The following DNAH5 variants were observed in gnomAD, a reference collection of about 807,000 sequenced individuals.
The protein encoded by DNAH5 is axonemal beta dynein heavy chain 5.
Under a neutral mutation model 518.2 loss-of-function variants are expected in DNAH5, and 372 were observed. That is an observed-to-expected ratio of 0.72 (90% CI 0.66 to 0.78). The LOEUF is 0.78. Among genes scored for constraint, DNAH5 ranks in the 30% least tolerant of loss-of-function variants. DNAH5 has a pLI of 0.00. For missense variants in DNAH5, 5,523 were observed against 5,687.0 expected (o/e 0.97, Z 0.93); for synonymous variants, 2,039 against 2,025.9 (o/e 1.01, Z -0.17).
chr5:13,933,407 A>G (rs1380138883), intron 1 of DNAH5, among the ~76,000 whole-genome samples: 5 of 152,220 alleles, frequency 3.3e-5, no homozygotes, highest in Admixed American at 6.5e-5. Flanking sequence ...TCTAACAAAC[A>G]TATTGAAATG....
intron 65 of DNAH5, among the ~76,000 whole-genome samples, chr5:13,740,413 A>G (rs1027428690): frequency 1.3e-5 from 2 of 152,178 alleles, no homozygotes; most frequent in Middle Eastern, 3.2e-3. Context: ...ACCAAGGCCT[A>G]TAAGGCTCTA....
chr5:14,010,476 T>C (rs1785035603), intron 1 of DNAH5, among the ~76,000 whole-genome samples: 2 of 152,162 alleles, frequency 1.3e-5, no homozygotes, highest in Non-Finnish European at 2.9e-5. Flanking sequence ...TATATGGATT[T>C]AAAATTAAGA....
chr5:13,827,728 C>G (rs1763078243), intron 38 of DNAH5, among the ~76,000 whole-genome samples: 3 of 151,818 alleles, frequency 2.0e-5, no homozygotes, highest in South Asian at 4.2e-4. Flanking sequence ...GTGTTCCCAC[C>G]CAAATCTCAT....
rs1002726613 is a variant in DNAH5 at position 13,938,438 on chromosome 5, T to C, written c.57+5944A>G. Among the ~76,000 whole-genome samples, 3 of 152,280 alleles carry C rather than the reference T, an allele frequency of 2.0e-5. No individual in the cohort carries two copies. The East Asian group carries it at 5.8e-4, about 29-fold the overall frequency. The stretch of plus-strand genomic sequence containing the variant: ...CATTCACACAATTTTTATTACAGTA[T>C]ATAGTTATAATTGTTCTATTTTATT... On this transcript the variant is annotated intron_variant, in intron 1 of 78. Transcript: ENST00000265104.
intron 68 of DNAH5, among the ~76,000 whole-genome samples, chr5:13,730,725 T>G (rs1746412953): frequency 6.7e-6 from 1 of 149,058 alleles, no homozygotes; most frequent in Admixed American, 6.7e-5. Context: ...TTTTTTGAGA[T>G]GTAGTTTCAC....
chr5:13,810,774 A>C (rs114419026), intron 44 of DNAH5, among the ~76,000 whole-genome samples: 23,049 of 149,236 alleles, frequency 0.15, 1,913 homozygotes, highest in Admixed American at 0.19. Flanking sequence ...ACAAACAAAC[A>C]AAAAAACAGG....
intron 1 of DNAH5, among the ~76,000 whole-genome samples, chr5:14,007,639 T>A (rs751004058): frequency 6.6e-6 from 1 of 152,186 alleles, no homozygotes; most frequent in Non-Finnish European, 1.5e-5. Flanking sequence ...AGATTCCTCA[T>A]AAGAATCTGA....
intron 1 of DNAH5, among the ~76,000 whole-genome samples, chr5:13,997,642 C>G (rs1010732435): frequency 2.6e-5 from 4 of 152,164 alleles, no homozygotes; most frequent in African/African-American, 9.7e-5. Flanking sequence ...CATGGCAATG[C>G]AGACTTTTTC....
At chr5:13,714,297 TTTTTA>T (rs2126491807) in intron 75 of DNAH5, 103 bp downstream of exon 75, 1 of 1,234,510 alleles carries the variant, frequency 8.1e-7, no homozygotes, top group East Asian at 2.3e-5. Context: ...AAAAGAATGT[TTTTTA>T]ATTTCAGGAA....
At chr5:13,704,170 C>T (rs1344909614) in intron 76 of DNAH5, among the ~76,000 whole-genome samples, 1 of 152,190 alleles carries the variant, frequency 6.6e-6, no homozygotes, top group African/African-American at 2.4e-5. Flanking sequence ...AGGGCAGCAG[C>T]AGGTTGGAGA....
chr5:14,008,168 T>A, intron 1 of DNAH5, among the ~76,000 whole-genome samples: 1 of 132,538 alleles, frequency 7.5e-6, no homozygotes, highest in South Asian at 2.3e-4. Flanking sequence ...CGAGAATCCG[T>A]CTTAGAAAAA....
At chr5:13,936,189 C>T (rs184134049) in intron 1 of DNAH5, among the ~76,000 whole-genome samples, 1 of 152,282 alleles carries the variant, frequency 6.6e-6, no homozygotes, top group East Asian at 1.9e-4. Context: ...CAAGACCTCA[C>T]ATCTTTCATT....
intron 1 of DNAH5, among the ~76,000 whole-genome samples, chr5:13,963,425 A>G (rs1351802268): frequency 6.6e-6 from 1 of 151,998 alleles, no homozygotes; most frequent in African/African-American, 2.4e-5. Context: ...TAAAAATACA[A>G]AAATTAGCTG....
In DNAH5 at chr5:13,928,051, C is replaced by G. The variant is rs775937053; in HGVS notation, c.277+43G>C. Reference sequence around the variant, plus strand: ...TTCTTCAAGCTACCCTCAGATAAATCTAATAACACATTTCTGGGTTATGTC... The same window carrying G: ...TTCTTCAAGCTACCCTCAGATAAATGTAATAACACATTTCTGGGTTATGTC... On this transcript the variant is annotated intron_variant, in intron 3 of 78. Coordinates refer to ENST00000265104, the MANE Select transcript of DNAH5 (RefSeq NM_001369.3). 6.7e-6 allele frequency: 10 copies of G among 1,499,434 alleles called. No homozygotes were observed. The East Asian group carries it at 2.3e-4, about 34-fold the overall frequency. The allele number at this position is 1,499,434 out of a possible 1,614,324, so 92.9% of individuals were successfully genotyped here.
At chr5:13,769,371 A>C (rs1580142560) in intron 57 of DNAH5, 130 bp downstream of exon 57, 7 of 949,802 alleles carry the variant, frequency 7.4e-6, no homozygotes, top group Non-Finnish European at 1.2e-5. Flanking sequence ...ACATAAAATT[A>C]AGAGTATTTT....
intron 76 of DNAH5, among the ~76,000 whole-genome samples, chr5:13,706,822 A>T (rs954012151): frequency 6.6e-6 from 1 of 152,152 alleles, no homozygotes; most frequent in Non-Finnish European, 1.5e-5. Flanking sequence ...TTTTATTTTG[A>T]TATATACATA....
rs1771849259 is a variant in DNAH5, at chr5:13,882,768, G to A, written c.3222C>T (p.Asp1074=). ...RKMAALQSNE[D]SDSDVEMGEN... ...CTCCCATTTCAACATCAGAATCACT[G>A]TCTTCATTACTCTGCAAAGCAGCCA... The change falls in exon 21 of 79, where the codon GAC becomes GAT. Residue 1074 remains aspartate, a synonymous_variant. Transcript: ENST00000265104. The A allele has an allele frequency of 6.2e-7, 1 of 1,613,956 alleles. No individual in the cohort carries two copies. Among genetic ancestry groups the A allele is most frequent in the Middle Eastern group, 1.6e-4 (1 of 6,062 alleles).
intron 22 of DNAH5, among the ~76,000 whole-genome samples, chr5:13,874,890 GT>G (rs1561484361): frequency 6.6e-6 from 1 of 152,124 alleles, no homozygotes; most frequent in African/African-American, 2.4e-5. Flanking sequence ...GGCAGGTCAG[GT>G]TTACATTCTA....
intron 46 of DNAH5, 91 bp downstream of exon 46, chr5:13,808,953 C>G: frequency 6.8e-7 from 1 of 1,461,376 alleles, no homozygotes; most frequent in Admixed American, 1.7e-5. Flanking sequence ...GAGTGAGACT[C>G]CGTCTCAGTA....
Sources: allele counts gnomAD v4.1 joint callset (sites outside exome capture counted in the v4.1 genomes callset), GRCh38; gene constraint gnomAD v4.1.1; transcripts MANE v1.5; gene names NCBI Gene and HGNC (gene_info 2026-07-23, HGNC 2026-07-21).